The following GNL3 variants were observed in gnomAD, a reference collection of about 807,000 sequenced individuals.
The protein encoded by GNL3 is guanine nucleotide-binding protein-like 3.
A neutral mutation model predicts 70.6 loss-of-function variants in GNL3; 77 were observed. The observed-to-expected ratio is 1.09, with a 90% CI of 0.91 to 1.32. The LOEUF (loss-of-function observed/expected upper bound fraction) is 1.32. Ranked by LOEUF, GNL3 falls within the 40% of genes most tolerant of loss-of-function variation. The pLI is 0.00. For missense variants in GNL3, 634 were observed against 644.0 expected (o/e 0.98, Z 0.17); for synonymous variants, 252 against 216.1 (o/e 1.17, Z -1.46).
Position 52,689,129 on chromosome 3 carries a change from G to A in GNL3, c.464G>A (p.Gly155Asp). The A allele has an allele frequency of 6.2e-7, 1 of 1,612,382 alleles. No homozygotes were observed. The stretch of plus-strand genomic sequence containing the variant: ...GTGTTGGATGCCAGAGATCCTCTTG[G>A]TTGCAGATGTCCTCAGGTAGAAGAG... Reference protein sequence around the residue: ...LEVLDARDPLGCRCPQVEEAI... With the variant: ...LEVLDARDPLDCRCPQVEEAI... Residue 155 changes from glycine to aspartate, a missense_variant, in exon 6 of 15, where the codon GGT (glycine) becomes GAT (aspartate). Coordinates refer to ENST00000418458, the MANE Select transcript of GNL3 (RefSeq NM_014366.5).
At position 52,693,716 on chromosome 3, in the gene GNL3, A is replaced by G. The variant is rs543252144; in HGVS notation, c.1409A>G (p.His470Arg). 3.0e-4 allele frequency: 478 copies of G among 1,613,996 alleles called. 2 individuals are homozygous for G. In the South Asian group the frequency reaches 4.8e-3, roughly 16 times the overall value. The change falls in exon 13 of 15, where the codon CAT becomes CGT. Residue 470 changes from histidine (H) to arginine (R), a missense_variant. By Grantham distance (29) the His-to-Arg change is conservative. Transcript: ENST00000418458. ...TNGIIEEKDI[H>R]EELPKRKERK... is the part of the protein sequence containing the mutation. ...GGAATAATAGAAGAAAAGGACATACATGAAGAATTGCCAAAACGGAAAGAA... is the reference window on the plus strand; with the variant it reads ...GGAATAATAGAAGAAAAGGACATACGTGAAGAATTGCCAAAACGGAAAGAA...
chr3:52,687,410 T>C, intron 3 of GNL3, 27 bp downstream of exon 3: 1 of 1,611,684 alleles, frequency 6.2e-7, no homozygotes, highest in Non-Finnish European at 8.5e-7. Flanking sequence ...AGAATTTTCA[T>C]TGAGTGGTGT....
At chr3:52,686,281 C>G in intron 1 of GNL3, 176 bp downstream of exon 1, 1 of 666,606 alleles carries the variant, frequency 1.5e-6, no homozygotes, top group South Asian at 1.8e-5. Context: ...CTACGGCGAT[C>G]ATGTTAACCG....
intron 4 of GNL3, 46 bp from the exon 5 acceptor site, chr3:52,688,063 G>A (rs2097323953): frequency 9.4e-7 from 1 of 1,068,116 alleles, no homozygotes. Context: ...AGAGGTTACA[G>A]TTGCTCTACT....
intron 9 of GNL3, among the ~76,000 whole-genome samples, chr3:52,692,369 A>ATTTTTTTTTTTTTTTTTT (rs1553911330): frequency 7.9e-6 from 1 of 126,410 alleles, no homozygotes; most frequent in African/African-American, 3.1e-5. Context: ...CAACTTTTAG[A>ATTTTTTTTTTTTTTTTTT]TTTTTTTTTT....
chr3:52,686,564 G>A (rs2097313280), intron 1 of GNL3: 2 of 598,412 alleles, frequency 3.3e-6, no homozygotes, highest in Non-Finnish European at 5.9e-6. Flanking sequence ...GAGGGTAAGT[G>A]CAGGGAATTT....
Position 52,693,388 on chromosome 3 carries a change from CATCTT to C in GNL3, c.1188-17_1188-13del, listed in dbSNP as rs2097329276. 3 of 1,613,828 alleles carry C rather than the reference CATCTT, an allele frequency of 1.9e-6. No homozygotes were observed. In the Admixed American group the frequency reaches 5.0e-5, roughly 27 times the overall value. ...CACTAGAATAAACCTTCTTTTGACA[CATCTT>C]ATTTTTAATATCAGTGCCTCATTAG... On this transcript the variant is annotated splice_polypyrimidine_tract_variant and intron_variant, in intron 11 of 14. Coordinates refer to ENST00000418458, the MANE Select transcript of GNL3 (RefSeq NM_014366.5).
Position 52,688,202 on chromosome 3 carries a change from C to T in GNL3, c.408+10C>T, listed in dbSNP as rs1298893999. ...CCAAGAACTTAAAAAGGTATCTTAG[C>T]CTAGGTCAGTGTCTGACAGTAGTAA... On this transcript the variant is annotated intron_variant, in intron 5 of 14. Coordinates refer to ENST00000418458, the MANE Select transcript of GNL3 (RefSeq NM_014366.5). 6 of 1,507,776 alleles carry T rather than the reference C, an allele frequency of 4.0e-6. No individual in the cohort carries two copies. The African/African-American group carries it at 5.5e-5, about 14-fold the overall frequency. The allele number at this position is 1,507,776 out of a possible 1,614,324, so 93.4% of individuals were successfully genotyped here. A position where few individuals can be genotyped will look rare whatever the true frequency, so the allele number is the denominator to read the frequency against.
chr3:52,686,025 TG>T, upstream of GNL3: 3 of 819,284 alleles, frequency 3.7e-6, no homozygotes, highest in South Asian at 4.0e-5. Flanking sequence ...CGCTCGTCAG[TG>T]GCTTCAGTTC....
chr3:52,688,085 G>A (rs1159550209), intron 4 of GNL3, 24 bp from the exon 5 acceptor site: 2 of 1,403,900 alleles, frequency 1.4e-6, no homozygotes, highest in Admixed American at 1.7e-5. Flanking sequence ...CTAATTTTGT[G>A]TTATTTCCCC....
intron 10 of GNL3, 58 bp downstream of exon 10, chr3:52,693,104 T>C: frequency 1.9e-6 from 3 of 1,600,364 alleles, no homozygotes; most frequent in Non-Finnish European, 1.7e-6. Context: ...CATAAGCATT[T>C]TGAGTAGAAA....
chr3:52,692,733 A>G lies in GNL3; in HGVS notation c.870-139A>G, dbSNP rs201954620. The G allele has an allele frequency of 1.5e-5, 12 of 775,468 alleles. 1 individual carries two copies. The highest frequency in any genetic ancestry group is 1.5e-4 in the South Asian group (11 of 73,942). The allele number at this position is 775,468 out of a possible 1,614,324, so 48.0% of individuals were successfully genotyped here. On this transcript the variant is annotated intron_variant, in intron 9 of 14. Coordinates refer to ENST00000418458, the MANE Select transcript of GNL3 (RefSeq NM_014366.5). ...GTCGGGTATGCTGTTACAGTTTTAG[A>G]TAAATGTGAAGCAAATGATGATAAA...
At position 52,686,789 on chromosome 3, in the gene GNL3, C is replaced by T. The variant is rs983344694; in HGVS notation, c.34C>T (p.Arg12Cys). ...KRPKLKKASK[R>C]MTCHKRYKIQ... ...TGTAGAGTTAAAGAAAGCAAGTAAA[C>T]GCATGACCTGCCATAAGCGGTATAA... Residue 12 changes from arginine to cysteine, a missense_variant, in exon 2 of 15, where the codon CGC (arginine) becomes TGC (cysteine). Transcript: ENST00000418458. 5.6e-6 allele frequency: 9 copies of T among 1,612,372 alleles called. No individual in the cohort carries two copies. Among genetic ancestry groups the T allele is most frequent in the Non-Finnish European group, 7.6e-6 (9 of 1,178,456 alleles).
chr3:52,692,152 T>G (rs1427594438), intron 9 of GNL3, among the ~76,000 whole-genome samples: 2 of 152,148 alleles, frequency 1.3e-5, no homozygotes, highest in African/African-American at 4.8e-5. Context: ...AAGTGATGTT[T>G]GAACCTGGCC....
intron 1 of GNL3, 126 bp downstream of exon 1, chr3:52,686,231 C>A: frequency 1.0e-6 from 1 of 964,432 alleles, no homozygotes; most frequent in Non-Finnish European, 1.6e-6. Flanking sequence ...ACGCGTAGGC[C>A]TTGGCCCTAT....
intron 5 of GNL3, among the ~76,000 whole-genome samples, 168 bp downstream of exon 5, chr3:52,688,360 G>A (rs755037543): frequency 6.6e-6 from 1 of 152,124 alleles, no homozygotes; most frequent in African/African-American, 2.4e-5. Context: ...CAGGTATTAA[G>A]CCTAGTACGA....
At chr3:52,686,668 G>T in intron 1 of GNL3, 101 bp from the exon 2 acceptor site, 1 of 847,414 alleles carries the variant, frequency 1.2e-6, no homozygotes, top group African/African-American at 1.7e-5. Flanking sequence ...CTTAACGTTA[G>T]GTTTGGTAGC....
Position 52,691,611 on chromosome 3 carries a change from T to G in GNL3, c.851T>G (p.Val284Gly). 6.3e-7 allele frequency: 1 copy of G among 1,579,736 alleles called. No individual in the cohort carries two copies. The highest frequency in any genetic ancestry group is 8.7e-7 in the Non-Finnish European group (1 of 1,148,946). Residue 284 changes from valine (V) to glycine (G), a missense_variant, in exon 9 of 15, where the codon GTA (valine) becomes GGA (glycine). Transcript: ENST00000418458. ...LKQEQMCNVG[V>G]SMGLTRSMQV... ...CAAGAACAGATGTGTAATGTTGGTGTATCCATGGGGCTTACAAGGTAAATG... is the reference window on the plus strand; with the variant it reads ...CAAGAACAGATGTGTAATGTTGGTGGATCCATGGGGCTTACAAGGTAAATG...
Position 52,687,576 on chromosome 3 carries a change from T to C in GNL3, c.285T>C (p.Asn95=). The change falls in exon 4 of 15, where the codon AAT becomes AAC. Residue 95 remains asparagine, a synonymous_variant. Coordinates refer to ENST00000418458, the MANE Select transcript of GNL3 (RefSeq NM_014366.5). Reference sequence around the variant, plus strand: ...AAAAGAAAAGAAAACTTGAAACTAATCCTGATATTAAGCCATCAAATGTGG... The same window carrying C: ...AAAAGAAAAGAAAACTTGAAACTAACCCTGATATTAAGCCATCAAATGTGG... ...ELEKKRKLET[N]PDIKPSNVEP... The C allele has an allele frequency of 1.2e-6, 2 of 1,610,660 alleles. No individual in the cohort carries two copies. The highest frequency in any genetic ancestry group is 2.2e-5 in the South Asian group (2 of 90,998).
Sources: gnomAD v4.1 joint callset for allele counts (sites outside exome capture counted in the v4.1 genomes callset) on GRCh38, gnomAD v4.1.1 for gene constraint, MANE v1.5 for transcripts, NCBI Gene and HGNC (gene_info 2026-07-23, HGNC 2026-07-21) for gene names.